The following ACAP2 variants were observed in gnomAD, a reference collection of about 807,000 sequenced individuals.
ACAP2 encodes ArfGAP with coiled-coil, ankyrin repeat and PH domains 2.
A neutral mutation model predicts 115.8 loss-of-function variants in ACAP2; 39 were observed. The observed-to-expected ratio is 0.34, with a 90% CI of 0.26 to 0.44. ACAP2 has a LOEUF of 0.44. Ranked by LOEUF, ACAP2 falls within the 20% of genes least tolerant of loss-of-function variation. The pLI, the probability that ACAP2 is intolerant of heterozygous loss-of-function variation, is 1.00. For missense variants in ACAP2, 662 were observed against 927.6 expected, an observed-to-expected ratio of 0.71 and a Z score of 3.72; for synonymous variants, 289 against 315.8, an observed-to-expected ratio of 0.92 and a Z score of 0.90.
rs751439092 is a variant in ACAP2 at position 195,278,732 on chromosome 3, C to T, written c.*596G>A. 9 of 152,130 alleles carry T rather than the reference C, an allele frequency of 5.9e-5. No homozygotes were observed. Among genetic ancestry groups the T allele is most frequent in the Non-Finnish European group, 2.9e-5 (2 of 68,088 alleles). 9.4% of individuals were successfully genotyped at this position (152,130 alleles called of 1,614,324 possible). A position where few individuals can be genotyped will look rare whatever the true frequency, so the allele number is the denominator to read the frequency against. On this transcript the variant is annotated 3_prime_UTR_variant, in exon 23 of 23. Coordinates refer to ENST00000326793, the MANE Select transcript of ACAP2 (RefSeq NM_012287.6). ...CATACATTAAAGTACTGGACAATAA[C>T]CTGTCACCTAAGAAGTATAACCGAC...
At chr3:195,424,185 T>C (rs1714420086) in intron 1 of ACAP2, among the ~76,000 whole-genome samples, 1 of 148,168 alleles carries the variant, frequency 6.7e-6, no homozygotes, top group African/African-American at 2.5e-5. Flanking sequence ...GAGTTGTGAA[T>C]AAATGATTTA....
intron 4 of ACAP2, among the ~76,000 whole-genome samples, chr3:195,347,531 A>C (rs1731262261): frequency 6.6e-6 from 1 of 152,186 alleles, no homozygotes; most frequent in Admixed American, 6.5e-5. Context: ...TCAGAACAGG[A>C]CTTGCCTTTG....
rs1727069223 is a variant in ACAP2 at position 195,289,192 on chromosome 3, A to C, written c.2103T>G (p.His701Gln). ...GGTCTTTCCCTTCTTCATCAGTGGC[A>C]TGTTGATTGGCACCTCGTTTTAGGA... Reference protein sequence around the residue: ...CLFLKRGANQHATDEEGKDPL... With the variant: ...CLFLKRGANQQATDEEGKDPL... The change falls in exon 21 of 23, where the codon CAT becomes CAG. Residue 701 changes from histidine to glutamine, a missense_variant. Physicochemically the swap from His to Gln is conservative, Grantham distance 24 (BLOSUM62 0). Coordinates refer to ENST00000326793, the MANE Select transcript of ACAP2 (RefSeq NM_012287.6). 1 of 1,613,598 alleles carries C rather than the reference A, an allele frequency of 6.2e-7. No individual in the cohort carries two copies. Among genetic ancestry groups the C allele is most frequent in the East Asian group, 2.2e-5 (1 of 44,834 alleles).
chr3:195,366,078 G>C (rs1732702192), intron 4 of ACAP2, among the ~76,000 whole-genome samples: 1 of 152,110 alleles, frequency 6.6e-6, no homozygotes, highest in African/African-American at 2.4e-5. Context: ...CTGACCTCAA[G>C]TGATCTGCCC....
At chr3:195,325,638 G>T (rs1249862944) in intron 9 of ACAP2, among the ~76,000 whole-genome samples, 1 of 151,814 alleles carries the variant, frequency 6.6e-6, no homozygotes, top group Non-Finnish European at 1.5e-5. Flanking sequence ...AATAGGAAAA[G>T]ATATTAAAAG....
rs781752106 is a variant in ACAP2, at chr3:195,275,714, G to C, written c.*3614C>G. ...CTGTAAAACAAAAGGAGCACCCTAG[G>C]ATCAAAAAAGTAGACAACTTTGGAG... On this transcript the variant is annotated 3_prime_UTR_variant, in exon 23 of 23. Coordinates refer to ENST00000326793, the MANE Select transcript of ACAP2 (RefSeq NM_012287.6). The C allele has an allele frequency of 6.6e-6, 1 of 152,098 alleles. No individual in the cohort carries two copies. Among genetic ancestry groups the C allele is most frequent in the East Asian group, 1.9e-4 (1 of 5,200 alleles). The allele number at this position is 152,098 out of a possible 1,614,324, so 9.4% of individuals were successfully genotyped here.
At chr3:195,369,340 T>C (rs964445663) in intron 4 of ACAP2, among the ~76,000 whole-genome samples, 9 of 152,214 alleles carry the variant, frequency 5.9e-5, no homozygotes, top group Non-Finnish European at 8.8e-5. Flanking sequence ...TCATGGGGGT[T>C]TGATGTACAG....
chr3:195,314,880 C>T (rs1448526380), intron 10 of ACAP2, among the ~76,000 whole-genome samples: 4 of 152,160 alleles, frequency 2.6e-5, no homozygotes, highest in Non-Finnish European at 5.9e-5. Context: ...AATTTAAATT[C>T]CAAATTTTTA....
chr3:195,311,347 T>C (rs1172109629), intron 10 of ACAP2, among the ~76,000 whole-genome samples: 1 of 152,176 alleles, frequency 6.6e-6, no homozygotes, highest in Non-Finnish European at 1.5e-5. Context: ...TCCACCCACC[T>C]TGGCCTCCCA....
chr3:195,317,146 C>T (rs1729149013), intron 10 of ACAP2, among the ~76,000 whole-genome samples: 1 of 151,936 alleles, frequency 6.6e-6, no homozygotes, highest in Non-Finnish European at 1.5e-5. Context: ...GATTCACCTG[C>T]CCCAGCCTCC....
intron 4 of ACAP2, chr3:195,356,148 C>T (rs6437374): frequency 8.8e-6 from 4 of 456,432 alleles, no homozygotes; most frequent in Admixed American, 4.7e-5. Context: ...CCCATGCGCT[C>T]GTAGCAACCA....
rs1726190466 is a variant in ACAP2 at position 195,276,512 on chromosome 3, T to C, written c.*2816A>G. 6.6e-6 allele frequency: 1 copy of C among 152,224 alleles called. No individual in the cohort carries two copies. Among genetic ancestry groups the C allele is most frequent in the African/African-American group, 2.4e-5 (1 of 41,460 alleles). The allele number at this position is 152,224 out of a possible 1,614,324, so 9.4% of individuals were successfully genotyped here. On this transcript the variant is annotated 3_prime_UTR_variant, in exon 23 of 23. Coordinates refer to ENST00000326793, the MANE Select transcript of ACAP2 (RefSeq NM_012287.6). Reference sequence around the variant, plus strand: ...TCTTCATAGTGCTGCTATTCTTATTTTGATATTAATCTAACTTTCAAGTTA... The same window carrying C: ...TCTTCATAGTGCTGCTATTCTTATTCTGATATTAATCTAACTTTCAAGTTA...
In ACAP2 at chr3:195,337,964, T is replaced by TCCCACCTCAACCTGAGCCC. The variant is rs1560259491; in HGVS notation, c.529-989_529-988insGGGCTCAGGTTGAGGTGGG. On this transcript the variant is annotated intron_variant, in intron 6 of 22. Coordinates refer to ENST00000326793, the MANE Select transcript of ACAP2 (RefSeq NM_012287.6). Reference sequence around the variant, plus strand: ...GGCCACTCCCACCTCAACCTGAGCCTGGGGCCACTCCCACCTCAATGCCTT... The same window carrying TCCCACCTCAACCTGAGCCC: ...GGCCACTCCCACCTCAACCTGAGCCTCCCACCTCAACCTGAGCCCGGGGCCACTCCCACCTCAATGCCTT... 1.7e-4 allele frequency among the ~76,000 whole-genome samples: 26 copies of TCCCACCTCAACCTGAGCCC among 149,296 alleles called. 3 individuals are homozygous for TCCCACCTCAACCTGAGCCC. The East Asian group carries it at 1.8e-3, about 10-fold the overall frequency.
intron 4 of ACAP2, among the ~76,000 whole-genome samples, chr3:195,380,350 A>G (rs1733861950): frequency 1.3e-5 from 2 of 152,358 alleles, no homozygotes; most frequent in Admixed American, 1.3e-4. Context: ...TTTTTATTAC[A>G]GACTGGCTAA....
chr3:195,370,111 T>C (rs1733019120), intron 4 of ACAP2, among the ~76,000 whole-genome samples: 1 of 152,184 alleles, frequency 6.6e-6, no homozygotes, highest in African/African-American at 2.4e-5. Flanking sequence ...TGTTTTTTGC[T>C]TGTTAATTTG....
At chr3:195,293,292 C>G (rs769402939) in intron 18 of ACAP2, among the ~76,000 whole-genome samples, 4 of 152,206 alleles carry the variant, frequency 2.6e-5, no homozygotes, top group Non-Finnish European at 4.4e-5. Flanking sequence ...ACTACAAGCA[C>G]TTCAAATAAT....
chr3:195,341,675 C>T (rs1454996091), intron 6 of ACAP2, among the ~76,000 whole-genome samples: 2 of 152,080 alleles, frequency 1.3e-5, no homozygotes, highest in Non-Finnish European at 2.9e-5. Context: ...GATAACACTA[C>T]TTCTAGAAAG....
Position 195,434,973 on chromosome 3 carries a change from TG to T in ACAP2, c.53+7821del, listed in dbSNP as rs1406580790. Among the ~76,000 whole-genome samples, 215 of 150,626 alleles carry T rather than the reference TG, an allele frequency of 1.4e-3. 4 individuals carry two copies. Among genetic ancestry groups the T allele is most frequent in the African/African-American group, 4.9e-3 (197 of 39,936 alleles). ...AATCTGAGTCACTGCCCTTTTTTCT[TG>T]GTCACTCTAACTAAAGATGTGTCCA... On this transcript the variant is annotated intron_variant, in intron 1 of 22. Transcript: ENST00000326793.
chr3:195,380,713 C>A (rs770268634), intron 4 of ACAP2, among the ~76,000 whole-genome samples: 2 of 152,080 alleles, frequency 1.3e-5, no homozygotes, highest in Non-Finnish European at 2.9e-5. Context: ...TTTTACAAAG[C>A]CACAACTTAA....
Sources: allele counts gnomAD v4.1 joint callset (sites outside exome capture counted in the v4.1 genomes callset), GRCh38; gene constraint gnomAD v4.1.1; transcripts MANE v1.5; gene names NCBI Gene and HGNC (gene_info 2026-07-23, HGNC 2026-07-21).